Variants in HMCN1 observed in about 807,000 individuals in gnomAD.
HMCN1 encodes hemicentin-1.
Under a neutral mutation model 625.9 loss-of-function variants are expected in HMCN1, and 321 were observed. That is an observed-to-expected ratio of 0.51 (90% CI 0.47 to 0.56). The LOEUF is 0.56. Ranked by LOEUF, HMCN1 falls within the 20% of genes least tolerant of loss-of-function variation. The probability of loss-of-function intolerance (pLI) is 0.00; values close to 1 mark genes in which losing one functional copy is unlikely to be tolerated. For missense variants in HMCN1, 6,588 were observed against 6,887.3 expected, an observed-to-expected ratio of 0.96 and a Z score of 1.54; for synonymous variants, 2,425 against 2,417.6, an observed-to-expected ratio of 1.00 and a Z score of -0.09.
intron 93 of HMCN1, among the ~76,000 whole-genome samples, chr1:186,148,508 C>A (rs768592927): frequency 6.6e-6 from 1 of 151,992 alleles, no homozygotes; most frequent in African/African-American, 2.4e-5. Context: ...GAAAATATTT[C>A]TTTCTGTTTT....
At chr1:185,971,640 T>C (rs930848308) in intron 15 of HMCN1, among the ~76,000 whole-genome samples, 3 of 152,210 alleles carry the variant, frequency 2.0e-5, no homozygotes, top group African/African-American at 7.2e-5. Flanking sequence ...TTTCTTAGAA[T>C]ATAGTAACAC....
chr1:186,189,092 A>G (rs145614956), intron 106 of HMCN1, among the ~76,000 whole-genome samples: 2 of 152,336 alleles, frequency 1.3e-5, no homozygotes, highest in East Asian at 3.9e-4. Flanking sequence ...AAAAATGTCA[A>G]TATATTTTGT....
chr1:186,081,741 T>A (rs1437328611), intron 56 of HMCN1, among the ~76,000 whole-genome samples: 1 of 152,248 alleles, frequency 6.6e-6, no homozygotes, highest in South Asian at 2.1e-4. Flanking sequence ...TGGTAGGAAG[T>A]TCCCTATATA....
chr1:186,019,262 C>T (rs918837571), intron 34 of HMCN1, among the ~76,000 whole-genome samples: 1 of 151,800 alleles, frequency 6.6e-6, no homozygotes, highest in African/African-American at 2.4e-5. Flanking sequence ...TAAAACACAC[C>T]AAAAGATATA....
intron 26 of HMCN1, among the ~76,000 whole-genome samples, chr1:186,000,670 G>A (rs1482476874): frequency 1.3e-5 from 2 of 149,962 alleles, no homozygotes; most frequent in Non-Finnish European, 3.0e-5. Flanking sequence ...TTTATAAAAC[G>A]TACACATATA....
At chr1:186,060,988 G>A (rs924745321) in intron 46 of HMCN1, among the ~76,000 whole-genome samples, 11 of 152,098 alleles carry the variant, frequency 7.2e-5, no homozygotes, top group African/African-American at 2.6e-4. Flanking sequence ...AAATTCCTTA[G>A]CATAGCATTC....
chr1:185,887,488 T>A (rs1183872295), intron 4 of HMCN1, among the ~76,000 whole-genome samples: 1 of 143,770 alleles, frequency 7.0e-6, no homozygotes, highest in Non-Finnish European at 1.5e-5. Flanking sequence ...CCCCAGAGTG[T>A]GATTTTCCCC....
intron 71 of HMCN1, among the ~76,000 whole-genome samples, chr1:186,110,870 A>G (rs564211676): frequency 1.2e-3 from 177 of 151,924 alleles, no homozygotes; most frequent in Non-Finnish European, 2.2e-3. Context: ...TAATTTTCTC[A>G]GTGGAACAGG....
At chr1:185,950,800 G>C (rs1253161302) in intron 11 of HMCN1, among the ~76,000 whole-genome samples, 9 of 152,040 alleles carry the variant, frequency 5.9e-5, no homozygotes, top group Admixed American at 2.6e-4. Flanking sequence ...ACAGAATAAT[G>C]GGTTGTAGAG....
At position 186,033,474 on chromosome 1, in the gene HMCN1, A is replaced by G. The variant is rs185261582; in HGVS notation, c.5750-4460A>G. Among the ~76,000 whole-genome samples the G allele has an allele frequency of 6.8e-4, 104 of 152,310 alleles. 1 individual carries two copies. The highest frequency in any genetic ancestry group is 2.4e-3 in the African/African-American group (99 of 41,578). On this transcript the variant is annotated intron_variant, in intron 36 of 106. Transcript: ENST00000271588. ...AACATAAATTGTATAGTAGTTGTAT[A>G]TAGCACATCCTCTTGTATAGTTTAA...
At chr1:185,932,200 T>G (rs2102493720) in intron 10 of HMCN1, among the ~76,000 whole-genome samples, 1 of 152,260 alleles carries the variant, frequency 6.6e-6, no homozygotes, top group Non-Finnish European at 1.5e-5. Context: ...TTAAAAAACA[T>G]AACAAAATAA....
chr1:185,938,204 T>C (rs1048754322), intron 11 of HMCN1, among the ~76,000 whole-genome samples: 3 of 152,034 alleles, frequency 2.0e-5, no homozygotes, highest in African/African-American at 4.8e-5. Context: ...TAGTCCAAGA[T>C]ATAATTGAAG....
intron 30 of HMCN1, among the ~76,000 whole-genome samples, chr1:186,008,226 C>T (rs1194910178): frequency 2.0e-5 from 3 of 152,004 alleles, no homozygotes; most frequent in African/African-American, 7.2e-5. Context: ...GAAATATTTG[C>T]TAAATGAATG....
chr1:186,032,645 T>G (rs1193124488), intron 36 of HMCN1, among the ~76,000 whole-genome samples: 2 of 152,104 alleles, frequency 1.3e-5, no homozygotes. Context: ...CATGCTGAAC[T>G]GTGAGTCAAT....
At chr1:185,857,632 A>G (rs1030100574) in intron 2 of HMCN1, among the ~76,000 whole-genome samples, 3 of 152,102 alleles carry the variant, frequency 2.0e-5, no homozygotes, top group Admixed American at 2.0e-4. Context: ...ATACACTTGT[A>G]CTTTTAGAAG....
rs1653673927 is a variant in HMCN1, at chr1:186,190,721, CTCA to C, written c.*845_*847del. 5.1e-6 allele frequency: 1 copy of C among 195,440 alleles called. No homozygotes were observed. Among genetic ancestry groups the C allele is most frequent in the South Asian group, 1.9e-4 (1 of 5,232 alleles). 12.1% of individuals were successfully genotyped at this position (195,440 alleles called of 1,614,324 possible). A position where few individuals can be genotyped will look rare whatever the true frequency, so the allele number is the denominator to read the frequency against. Reference sequence around the variant, plus strand: ...GGGACAGATTTGGTTTTTTAAAAATCTCATGTGTTCAAATTAACATAAATATTA... The same window carrying C: ...GGGACAGATTTGGTTTTTTAAAAATCTGTGTTCAAATTAACATAAATATTA... On this transcript the variant is annotated 3_prime_UTR_variant, in exon 107 of 107. Coordinates refer to ENST00000271588, the MANE Select transcript of HMCN1 (RefSeq NM_031935.3).
rs909739996 is a variant in HMCN1, at chr1:185,773,928, T to C, written c.268+38881T>C. On this transcript the variant is annotated intron_variant, in intron 1 of 106. Transcript: ENST00000271588. ...GAAAATGCAATACAATTTTACAATA[T>C]AGCTCTTAAATTATGAGTGTGAGAA... Among the ~76,000 whole-genome samples the C allele has an allele frequency of 3.3e-5, 5 of 152,134 alleles. No homozygotes were observed. In the South Asian group the frequency reaches 6.2e-4, roughly 19 times the overall value.
At position 185,855,768 on chromosome 1, in the gene HMCN1, T is replaced by A. The variant is rs899591016; in HGVS notation, c.340-8702T>A. ...AGTGACAGGTGATAATCTGAAAGCA[T>A]GGACATTGTTGTAATTGTTACCTTT... On this transcript the variant is annotated intron_variant, in intron 2 of 106. Coordinates refer to ENST00000271588, the MANE Select transcript of HMCN1 (RefSeq NM_031935.3). 2.6e-5 allele frequency among the ~76,000 whole-genome samples: 4 copies of A among 152,192 alleles called. No individual in the cohort carries two copies. The South Asian group carries it at 8.3e-4, about 31-fold the overall frequency.
chr1:186,091,128 G>A (rs760197805), intron 64 of HMCN1, among the ~76,000 whole-genome samples: 11 of 151,966 alleles, frequency 7.2e-5, no homozygotes, highest in South Asian at 4.1e-4. Context: ...TTTCTCATCC[G>A]TTAACTCTGT....
Sources: gnomAD v4.1 joint callset for allele counts (sites outside exome capture counted in the v4.1 genomes callset) on GRCh38, gnomAD v4.1.1 for gene constraint, MANE v1.5 for transcripts, NCBI Gene and HGNC (gene_info 2026-07-23, HGNC 2026-07-21) for gene names.